TSHR: variants seen among roughly 807,000 people sequenced by gnomAD.
The protein encoded by TSHR is thyrotropin receptor.
In TSHR, 51 loss-of-function variants were observed where a neutral mutation model predicts 64.1. That is an observed-to-expected ratio of 0.80 (90% CI 0.64 to 1.01). TSHR has a LOEUF of 1.01. TSHR is among the 50% of genes least tolerant of loss of function. The probability of loss-of-function intolerance (pLI) is 0.00; values close to 1 mark genes in which losing one functional copy is unlikely to be tolerated. For synonymous variants in TSHR, 361 were observed against 361.9 expected, an observed-to-expected ratio of 1.00 and a Z score of 0.03; for missense variants, 877 against 942.8, an observed-to-expected ratio of 0.93 and a Z score of 0.91.
chr14:81,075,039 C>T (rs1869595905), intron 3 of TSHR, among the ~76,000 whole-genome samples: 1 of 152,238 alleles, frequency 6.6e-6, no homozygotes, highest in South Asian at 2.1e-4. Flanking sequence ...CTAAAGGCCT[C>T]TCTGTATGCA....
At chr14:80,988,038 C>T (rs1485606671) in intron 1 of TSHR, among the ~76,000 whole-genome samples, 1 of 152,172 alleles carries the variant, frequency 6.6e-6, no homozygotes, top group Non-Finnish European at 1.5e-5. Flanking sequence ...AAAATTCTCA[C>T]CTTTTAGGTC....
At chr14:80,982,899 T>C (rs1339265851) in intron 1 of TSHR, 7 of 511,122 alleles carry the variant, frequency 1.4e-5, no homozygotes, top group Admixed American at 2.8e-5. Context: ...GGGAGGTAAA[T>C]GGGATTAAGC....
Position 80,955,804 on chromosome 14 carries a change from A to G in TSHR, c.124A>G (p.Lys42Glu), listed in dbSNP as rs766387143. ...GGAGGAGGACTTCAGAGTCACCTGC[A>G]AGGATATTCAACGCATCCCCAGCTT... ...HQEEDFRVTC[K>E]DIQRIPSLPP... is the part of the protein sequence containing the mutation. The change falls in exon 1 of 10, where the codon AAG (lysine) becomes GAG (glutamate). Residue 42 changes from lysine (K) to glutamate (E), a missense_variant. Coordinates refer to ENST00000298171, the MANE Select transcript of TSHR (RefSeq NM_000369.5). 3 of 1,614,202 alleles carry G rather than the reference A, an allele frequency of 1.9e-6. No individual in the cohort carries two copies. Among genetic ancestry groups the G allele is most frequent in the South Asian group, 2.2e-5 (2 of 91,088 alleles).
At chr14:80,964,700 C>T (rs565218510) in intron 1 of TSHR, among the ~76,000 whole-genome samples, 1 of 152,348 alleles carries the variant, frequency 6.6e-6, no homozygotes, top group African/African-American at 2.4e-5. Context: ...CTTGACCCCT[C>T]ACAAGTTAAG....
rs569333422 is a variant in TSHR at position 81,026,184 on chromosome 14, C to T, written c.171-35964C>T. 5.1e-4 allele frequency among the ~76,000 whole-genome samples: 77 copies of T among 152,352 alleles called. 2 individuals are homozygous for T. The highest frequency in any genetic ancestry group is 4.8e-3 in the Admixed American group (74 of 15,300). ...ATCTTTATCCGCCATTGAATGTAAA[C>T]TCCAGGGAGGCAGAAATTTTTTTTC... is the stretch of plus-strand genomic sequence containing the variant. On this transcript the variant is annotated intron_variant, in intron 1 of 9. Transcript: ENST00000298171.
intron 1 of TSHR, among the ~76,000 whole-genome samples, chr14:81,002,861 G>T: frequency 1.8e-5 from 1 of 55,954 alleles, no homozygotes; most frequent in African/African-American, 5.9e-5. Flanking sequence ...TAAGTTTTAG[G>T]GTACATGTGC....
intron 5 of TSHR, among the ~76,000 whole-genome samples, 197 bp from the exon 6 acceptor site, chr14:81,092,334 G>A (rs940623690): frequency 1.3e-5 from 2 of 152,150 alleles, no homozygotes; most frequent in Non-Finnish European, 1.5e-5. Flanking sequence ...GGCTCCAGGT[G>A]CATGTCATCT....
At chr14:81,090,327 C>T (rs1033588185) in intron 4 of TSHR, among the ~76,000 whole-genome samples, 1 of 152,176 alleles carries the variant, frequency 6.6e-6, no homozygotes, top group African/African-American at 2.4e-5. Context: ...TCACTGCAAC[C>T]TCCACCTCCC....
chr14:81,096,006 C>A (rs1383288838), intron 6 of TSHR, among the ~76,000 whole-genome samples: 1 of 148,882 alleles, frequency 6.7e-6, no homozygotes, highest in Non-Finnish European at 1.5e-5. Context: ...AGCCAGTGTA[C>A]TCCAGCCTGG....
intron 8 of TSHR, among the ~76,000 whole-genome samples, chr14:81,123,453 A>AGC (rs1890889696): frequency 6.6e-6 from 1 of 152,212 alleles, no homozygotes; most frequent in Non-Finnish European, 1.5e-5. Flanking sequence ...ACTTTTTATA[A>AGC]CCTTCCTGTA....
chr14:81,125,846 A>G (rs6574629), intron 8 of TSHR, among the ~76,000 whole-genome samples: 29,437 of 151,746 alleles, frequency 0.19, 2,929 homozygotes, highest in East Asian at 0.3. Context: ...AAGCAACTGA[A>G]GTAGGTCATC....
Position 81,139,859 on chromosome 14 carries a change from A to G in TSHR, c.873A>G (p.Lys291=), listed in dbSNP as rs1375602468. 6.8e-6 allele frequency: 11 copies of G among 1,614,174 alleles called. No homozygotes were observed. Among genetic ancestry groups the G allele is most frequent in the Non-Finnish European group, 9.3e-6 (11 of 1,180,022 alleles). ...GCTGTGCTTTTAAGAATCAGAAGAAAATCAGAGGGTAAGTGGCAGGGACCC... is the reference window on the plus strand; with the variant it reads ...GCTGTGCTTTTAAGAATCAGAAGAAGATCAGAGGGTAAGTGGCAGGGACCC... ...SHCCAFKNQK[K]IRGILESLMC... is the part of the protein sequence containing the mutation. The change falls in exon 9 of 10, where the codon AAA becomes AAG. Residue 291 remains lysine (K), a synonymous_variant. Transcript: ENST00000298171.
At chr14:81,091,969 T>C (rs2139982741) in intron 5 of TSHR, among the ~76,000 whole-genome samples, 1 of 152,338 alleles carries the variant, frequency 6.6e-6, no homozygotes, top group Admixed American at 6.5e-5. Flanking sequence ...AATGATAAGC[T>C]TCAAACTCTT....
intron 3 of TSHR, among the ~76,000 whole-genome samples, chr14:81,074,605 T>C (rs144549884): frequency 8.5e-4 from 129 of 152,300 alleles, no homozygotes; most frequent in African/African-American, 3.0e-3. Context: ...TCTGATTTGT[T>C]TAGGAAAGAG....
chr14:81,021,019 A>C (rs1236884286), intron 1 of TSHR, among the ~76,000 whole-genome samples: 1 of 152,088 alleles, frequency 6.6e-6, no homozygotes, highest in East Asian at 1.9e-4. Flanking sequence ...ATCTAGTTGC[A>C]GGAAAACAAG....
chr14:81,087,791 G>T, intron 3 of TSHR, 163 bp from the exon 4 acceptor site: 1 of 694,436 alleles, frequency 1.4e-6, no homozygotes, highest in Non-Finnish European at 2.6e-6. Context: ...GGAGTAGTTT[G>T]TCATTGATGG....
chr14:80,982,438 T>C (rs12590262), intron 1 of TSHR: 168,612 of 1,195,934 alleles, frequency 0.14, 14,151 homozygotes, highest in East Asian at 0.41. Context: ...TGCTGAGGAG[T>C]TGGAGCCTGT....
At chr14:80,992,760 T>A (rs1888806157) in intron 1 of TSHR, 1 of 152,166 alleles carries the variant, frequency 6.6e-6, no homozygotes, top group Non-Finnish European at 1.5e-5. Flanking sequence ...AAATAATAAA[T>A]TGCACAATTA....
chr14:80,978,844 T>C (rs1888024875), intron 1 of TSHR, among the ~76,000 whole-genome samples: 1 of 152,184 alleles, frequency 6.6e-6, no homozygotes, highest in South Asian at 2.1e-4. Flanking sequence ...TACCTATCAT[T>C]TAAATGATGC....
Sources: gnomAD v4.1 joint callset for allele counts (sites outside exome capture counted in the v4.1 genomes callset) on GRCh38, gnomAD v4.1.1 for gene constraint, MANE v1.5 for transcripts, NCBI Gene and HGNC (gene_info 2026-07-23, HGNC 2026-07-21) for gene names.